Variants in ANKIB1 observed in about 807,000 individuals in gnomAD.
ANKIB1 encodes ankyrin repeat and IBR domain containing 1, also known as ankyrin repeat and IBR domain-containing protein 1.
In ANKIB1, 43 loss-of-function variants were observed where a neutral mutation model predicts 122.1. The observed-to-expected ratio is 0.35, with a 90% CI of 0.28 to 0.45. ANKIB1 has a LOEUF of 0.45. Ranked by LOEUF, ANKIB1 falls within the 20% of genes least tolerant of loss-of-function variation. ANKIB1 has a pLI of 1.00. For missense variants in ANKIB1, 992 were observed against 1,329.5 expected (o/e 0.75, Z 3.95); for synonymous variants, 390 against 442.0 (o/e 0.88, Z 1.48).
chr7:92,291,456 AAAGT>A (rs1489292273), intron 1 of ANKIB1, among the ~76,000 whole-genome samples: 1 of 152,208 alleles, frequency 6.6e-6, no homozygotes, highest in Non-Finnish European at 1.5e-5. Flanking sequence ...TGTATCCACA[AAAGT>A]AAAAATTTTA....
At chr7:92,384,414 T>G (rs28896529) in intron 11 of ANKIB1, among the ~76,000 whole-genome samples, 22,668 of 152,046 alleles carry the variant, frequency 0.15, 2,096 homozygotes, top group East Asian at 0.38. Flanking sequence ...CCAAAAAAGA[T>G]CCCACATTGC....
At chr7:92,352,373 T>C (rs539175670) in intron 8 of ANKIB1, 103 bp from the exon 9 acceptor site, 1 of 1,236,090 alleles carries the variant, frequency 8.1e-7, no homozygotes, top group East Asian at 2.7e-5. Context: ...TTTCACTCTT[T>C]TTCTTTCTTT....
intron 9 of ANKIB1, among the ~76,000 whole-genome samples, chr7:92,360,634 T>G (rs1458289558): frequency 1.3e-5 from 2 of 152,204 alleles, no homozygotes; most frequent in Non-Finnish European, 2.9e-5. Flanking sequence ...ATTCTAAGTT[T>G]AACTTTATGA....
rs989501500 is a variant in ANKIB1, at chr7:92,351,715, T to G, written c.1230+621T>G. 3.3e-5 allele frequency among the ~76,000 whole-genome samples: 5 copies of G among 150,242 alleles called. No homozygotes were observed. The South Asian group carries it at 1.1e-3, about 32-fold the overall frequency. On this transcript the variant is annotated intron_variant, in intron 8 of 19. Transcript: ENST00000265742. ...TTTAAAAGACAAGTCCTCCTTTTTT[T>G]TTTTGTTTTTTTTTTTTTTTTTGGA...
chr7:92,303,847 A>T (rs1238867937), intron 2 of ANKIB1, among the ~76,000 whole-genome samples: 1 of 152,160 alleles, frequency 6.6e-6, no homozygotes, highest in Non-Finnish European at 1.5e-5. Context: ...ATAGGGTCAT[A>T]TGGAAGTGGA....
chr7:92,361,423 G>A (rs1803942244), intron 9 of ANKIB1, among the ~76,000 whole-genome samples: 1 of 152,118 alleles, frequency 6.6e-6, no homozygotes, highest in Non-Finnish European at 1.5e-5. Context: ...AAATGAAGAA[G>A]GTTCATTTGG....
At chr7:92,255,792 G>A (rs568371686) in intron 1 of ANKIB1, among the ~76,000 whole-genome samples, 1 of 151,774 alleles carries the variant, frequency 6.6e-6, no homozygotes, top group Non-Finnish European at 1.5e-5. Context: ...TTATTTATAC[G>A]CAAACGGAAA....
At chr7:92,332,939 T>A (rs916907322) in intron 5 of ANKIB1, among the ~76,000 whole-genome samples, 15 of 152,216 alleles carry the variant, frequency 9.9e-5, no homozygotes, top group Non-Finnish European at 1.5e-5. Flanking sequence ...TTCTTGGAAC[T>A]GAACCTGGTT....
intron 9 of ANKIB1, among the ~76,000 whole-genome samples, chr7:92,357,356 T>A (rs2115583972): frequency 6.6e-6 from 1 of 152,254 alleles, no homozygotes; most frequent in African/African-American, 2.4e-5. Flanking sequence ...CATACTCTTG[T>A]TTTACTGACA....
chr7:92,249,180 G>T (rs1049808469), intron 1 of ANKIB1, among the ~76,000 whole-genome samples: 5 of 152,132 alleles, frequency 3.3e-5, no homozygotes, highest in Non-Finnish European at 7.4e-5. Context: ...CAGCCACTGC[G>T]CCTGGCCTTC....
intron 9 of ANKIB1, among the ~76,000 whole-genome samples, chr7:92,361,377 A>G (rs1393533943): frequency 3.3e-5 from 5 of 152,266 alleles, no homozygotes. Flanking sequence ...AAGTAACTAC[A>G]GTAATTCAAC....
At chr7:92,369,028 A>G (rs1804168953) in intron 10 of ANKIB1, among the ~76,000 whole-genome samples, 1 of 152,222 alleles carries the variant, frequency 6.6e-6, no homozygotes, top group South Asian at 2.1e-4. Context: ...TGAGCTAACA[A>G]TAATGTTGAT....
intron 6 of ANKIB1, among the ~76,000 whole-genome samples, chr7:92,343,552 G>GCA (rs1803477298): frequency 6.6e-6 from 1 of 152,080 alleles, no homozygotes; most frequent in Non-Finnish European, 1.5e-5. Context: ...TACAGGCCAG[G>GCA]CACAGTAAGT....
At chr7:92,364,118 G>A (rs948375012) in intron 10 of ANKIB1, among the ~76,000 whole-genome samples, 1 of 151,774 alleles carries the variant, frequency 6.6e-6, no homozygotes, top group Non-Finnish European at 1.5e-5. Flanking sequence ...GACCATCTTG[G>A]CCAACATGGT....
At chr7:92,361,050 A>G (rs553048202) in intron 9 of ANKIB1, among the ~76,000 whole-genome samples, 1 of 152,204 alleles carries the variant, frequency 6.6e-6, no homozygotes, top group South Asian at 2.1e-4. Context: ...CTTTGTAAAT[A>G]AAATCTTTTA....
At chr7:92,293,776 C>T (rs1043834967) in intron 1 of ANKIB1, among the ~76,000 whole-genome samples, 2 of 152,174 alleles carry the variant, frequency 1.3e-5, no homozygotes, top group Admixed American at 1.3e-4. Flanking sequence ...TCTATTCATA[C>T]TTAACTGTTC....
At chr7:92,374,409 C>T (rs190896394) in intron 11 of ANKIB1, among the ~76,000 whole-genome samples, 47 of 152,120 alleles carry the variant, frequency 3.1e-4, no homozygotes, top group African/African-American at 1.0e-3. Flanking sequence ...ACCTGGGAGG[C>T]GGAGGTTGCA....
chr7:92,329,179 G>C (rs934876162), intron 5 of ANKIB1, among the ~76,000 whole-genome samples: 5 of 151,932 alleles, frequency 3.3e-5, no homozygotes, highest in African/African-American at 1.2e-4. Flanking sequence ...TGTTGGCCAG[G>C]CTGGTCTCTA....
intron 11 of ANKIB1, among the ~76,000 whole-genome samples, chr7:92,381,923 T>A (rs1413585158): frequency 6.6e-6 from 1 of 152,054 alleles, no homozygotes; most frequent in Admixed American, 6.6e-5. Context: ...GGCTCAATGC[T>A]CCAATTAAAA....
Sources: allele counts gnomAD v4.1 joint callset (sites outside exome capture counted in the v4.1 genomes callset), GRCh38; gene constraint gnomAD v4.1.1; transcripts MANE v1.5; gene names NCBI Gene and HGNC (gene_info 2026-07-23, HGNC 2026-07-21).